Variants in MEI1 observed in about 807,000 individuals in gnomAD.
The protein encoded by MEI1 is meiosis inhibitor protein 1.
Under a neutral mutation model 146.2 loss-of-function variants are expected in MEI1, and 103 were observed. The ratio of observed to expected loss-of-function variants is 0.70; its 90% CI spans 0.60 to 0.83. The LOEUF (loss-of-function observed/expected upper bound fraction) is 0.83. MEI1 is among the 40% of genes least tolerant of loss of function. The pLI is 0.00. For synonymous variants in MEI1, 652 were observed against 628.2 expected (o/e 1.04, Z -0.57); for missense variants, 1,529 against 1,533.0 (o/e 1.00, Z 0.04).
chr22:41,747,985 C>T, intron 14 of MEI1, 122 bp from the exon 15 acceptor site: 1 of 678,646 alleles, frequency 1.5e-6, no homozygotes, highest in Non-Finnish European at 2.6e-6. Context: ...TTTAAGTTCC[C>T]TAGCTTTTGT....
At chr22:41,736,470 G>C (rs2072379727) in intron 11 of MEI1, among the ~76,000 whole-genome samples, 1 of 151,924 alleles carries the variant, frequency 6.6e-6, no homozygotes, top group African/African-American at 2.4e-5. Context: ...AGCCAGGATG[G>C]TCTCGATCTC....
At chr22:41,707,644 A>G (rs1281201219) in intron 3 of MEI1, among the ~76,000 whole-genome samples, 4 of 151,934 alleles carry the variant, frequency 2.6e-5, no homozygotes, top group African/African-American at 9.7e-5. Context: ...CTGTCTCTTA[A>G]AAAAAAAGTG....
intron 24 of MEI1, among the ~76,000 whole-genome samples, chr22:41,783,504 C>A (rs1024207637): frequency 3.9e-5 from 6 of 152,162 alleles, no homozygotes; most frequent in African/African-American, 1.4e-4. Flanking sequence ...GTTGGTCAGG[C>A]TGGTCTTGAA....
intron 20 of MEI1, chr22:41,774,193 C>A (rs1367136241): frequency 1.3e-5 from 2 of 152,216 alleles, no homozygotes. Flanking sequence ...TTCTGGACAG[C>A]AGAGACTACA....
chr22:41,781,823 AGCAGCACAAGG>A lies in MEI1; in HGVS notation c.3070_3080del (p.His1024PhefsTer106), dbSNP rs1453600117. 6.2e-7 allele frequency: 1 copy of A among 1,613,984 alleles called. No individual in the cohort carries two copies. On this transcript the variant is annotated frameshift_variant, in exon 24 of 31. Transcript: ENST00000401548. LOFTEE classifies it high-confidence loss of function. ...CTGCTCACTGCCTCCTTCTCTGCCC[AGCAGCACAAGG>A]GCAGTTTGCAGGTTAGTCTTTAACT...
chr22:41,738,359 C>T (rs1223492352), intron 11 of MEI1, among the ~76,000 whole-genome samples: 2 of 151,866 alleles, frequency 1.3e-5, no homozygotes, highest in Non-Finnish European at 2.9e-5. Context: ...GAGGCCGAGG[C>T]GGGCGGATCA....
chr22:41,798,116 AACACACACAC>A (rs60766866), intron 30 of MEI1, among the ~76,000 whole-genome samples: 3,465 of 135,856 alleles, frequency 0.026, 89 homozygotes, highest in African/African-American at 0.057. Flanking sequence ...TCCTCAGCCC[AACACACACAC>A]ACACACACAC....
In MEI1 at chr22:41,778,805, T is replaced by C; in HGVS notation, c.2808T>C (p.Leu936=). ...QELDSVAMKL[L]HQVSKLCGKC... is the part of the protein sequence containing the mutation. ...TGGACAGCGTGGCCATGAAGCTCCTTCACCAAGGTGCCCTGGCTGCTTGGG... is the reference window on the plus strand; with the variant it reads ...TGGACAGCGTGGCCATGAAGCTCCTCCACCAAGGTGCCCTGGCTGCTTGGG... Residue 936 remains leucine (L), a synonymous_variant, in exon 22 of 31, where the codon CTT becomes CTC. Transcript: ENST00000401548. The C allele has an allele frequency of 6.2e-7, 1 of 1,601,676 alleles. No individual in the cohort carries two copies. The highest frequency in any genetic ancestry group is 8.5e-7 in the Non-Finnish European group (1 of 1,174,276).
intron 1 of MEI1, among the ~76,000 whole-genome samples, chr22:41,702,202 G>A (rs1164428708): frequency 2.0e-5 from 3 of 152,142 alleles, no homozygotes; most frequent in South Asian, 4.1e-4. Flanking sequence ...GTGCAATGGC[G>A]CAATCTTGGC....
chr22:41,735,194 C>A (rs969240598), intron 11 of MEI1, among the ~76,000 whole-genome samples: 3 of 149,860 alleles, frequency 2.0e-5, no homozygotes, highest in African/African-American at 7.4e-5. Context: ...GATCTCCTGA[C>A]CTCGTGATCC....
At chr22:41,756,919 TA>T in intron 17 of MEI1, among the ~76,000 whole-genome samples, 1 of 152,348 alleles carries the variant, frequency 6.6e-6, no homozygotes, top group Middle Eastern at 3.4e-3. Context: ...AACTGCAGAT[TA>T]CATCACATAG....
chr22:41,702,762 TTTC>T (rs993019896), intron 1 of MEI1, among the ~76,000 whole-genome samples: 11 of 151,418 alleles, frequency 7.3e-5, no homozygotes, highest in Admixed American at 2.6e-4. Context: ...ACACTTTTCT[TTTC>T]TTTTTTTTTT....
chr22:41,797,122 C>T (rs2076390442), intron 30 of MEI1, among the ~76,000 whole-genome samples: 1 of 152,004 alleles, frequency 6.6e-6, no homozygotes, highest in Non-Finnish European at 1.5e-5. Flanking sequence ...CTCAGCCCTC[C>T]GAGTAGCTGA....
chr22:41,741,607 A>G (rs1020673817), intron 11 of MEI1, among the ~76,000 whole-genome samples: 2 of 152,226 alleles, frequency 1.3e-5, no homozygotes, highest in Non-Finnish European at 2.9e-5. Flanking sequence ...GTCTCTGCGT[A>G]TAGTCTCATA....
intron 16 of MEI1, 127 bp from the exon 17 acceptor site, chr22:41,753,822 G>A (rs192339796): frequency 1.3e-5 from 9 of 709,384 alleles, no homozygotes; most frequent in African/African-American, 8.7e-5. Context: ...CCTCTGCCAC[G>A]GCCATGGCTA....
At chr22:41,759,963 C>T (rs2074367502) in intron 18 of MEI1, among the ~76,000 whole-genome samples, 1 of 151,972 alleles carries the variant, frequency 6.6e-6, no homozygotes, top group Non-Finnish European at 1.5e-5. Context: ...CACCTGAGGT[C>T]AGGAGTTTGA....
intron 21 of MEI1, among the ~76,000 whole-genome samples, chr22:41,777,023 C>T: frequency 6.6e-6 from 1 of 151,976 alleles, no homozygotes; most frequent in South Asian, 2.1e-4. Context: ...CACCATGTTG[C>T]CCAGGGTGGT....
Position 41,757,007 on chromosome 22 carries a change from A to G in MEI1, c.1952-1358A>G, listed in dbSNP as rs375362014. On this transcript the variant is annotated intron_variant, in intron 17 of 30. Transcript: ENST00000401548. The stretch of plus-strand genomic sequence containing the variant: ...GAATGGAAACATGGCATGTCTTCTC[A>G]TGCCTTCAGGCCTCTGAACACCTTG... Among the ~76,000 whole-genome samples the G allele has an allele frequency of 3.0e-4, 45 of 152,344 alleles. 1 individual carries two copies. The highest frequency in any genetic ancestry group is 2.7e-3 in the South Asian group (13 of 4,826).
At chr22:41,716,012 A>T (rs755290214) in intron 4 of MEI1, 29 bp from the exon 5 acceptor site, 51 of 1,518,662 alleles carry the variant, frequency 3.4e-5, no homozygotes, top group Middle Eastern at 3.4e-4. Flanking sequence ...ATCCTAATTG[A>T]CAGAATGGAG....
Sources: allele counts gnomAD v4.1 joint callset (sites outside exome capture counted in the v4.1 genomes callset), GRCh38; gene constraint gnomAD v4.1.1; transcripts MANE v1.5; gene names NCBI Gene and HGNC (gene_info 2026-07-23, HGNC 2026-07-21).